TMEM178A: variants seen among roughly 807,000 people sequenced by gnomAD.
TMEM178A encodes transmembrane protein 178A.
Under a neutral mutation model 29.1 loss-of-function variants are expected in TMEM178A, and 12 were observed. The observed-to-expected ratio is 0.41, with a 90% CI of 0.26 to 0.67. TMEM178A has a LOEUF of 0.67. TMEM178A is among the 30% of genes least tolerant of loss of function. TMEM178A has a pLI of 0.29. For missense variants in TMEM178A, 366 were observed against 419.1 expected (o/e 0.87, Z 1.11); for synonymous variants, 210 against 187.2 (o/e 1.12, Z -0.99).
At chr2:39,704,774 G>A (rs1451321143) in intron 2 of TMEM178A, among the ~76,000 whole-genome samples, 1 of 152,170 alleles carries the variant, frequency 6.6e-6, no homozygotes, top group African/African-American at 2.4e-5. Flanking sequence ...GTTGATTTAA[G>A]CTGCCTGATG....
chr2:39,704,165 C>G lies in TMEM178A; in HGVS notation c.485C>G (p.Thr162Ser). ...AACATTCCTTTTAATTTAACCAAGACCATACAGCAAGATGAGTGGCACCTG... is the reference window on the plus strand; with the variant it reads ...AACATTCCTTTTAATTTAACCAAGAGCATACAGCAAGATGAGTGGCACCTG... ...LRNIPFNLTK[T>S]IQQDEWHLLH... The change falls in exon 2 of 4, where the codon ACC becomes AGC. Residue 162 changes from threonine to serine, a missense_variant. Thr to Ser is a moderately conservative substitution (Grantham distance 58). Around this residue, in one of 2 missense-constraint regions of TMEM178A, gnomAD observed 247 missense variants for 246.8 expected, o/e 1.00. Transcript: ENST00000281961. 1 of 1,614,080 alleles carries G rather than the reference C, an allele frequency of 6.2e-7. No homozygotes were observed. The highest frequency in any genetic ancestry group is 8.5e-7 in the Non-Finnish European group (1 of 1,179,998).
intron 1 of TMEM178A, among the ~76,000 whole-genome samples, chr2:39,683,780 G>A (rs145113595): frequency 6.6e-4 from 100 of 152,264 alleles, no homozygotes; most frequent in African/African-American, 2.2e-3. Flanking sequence ...GGCACAGTGT[G>A]GAAGCAACTT....
At chr2:39,680,742 GA>G (rs879460236) in intron 1 of TMEM178A, among the ~76,000 whole-genome samples, 2 of 151,288 alleles carry the variant, frequency 1.3e-5, no homozygotes, top group East Asian at 1.9e-4. Flanking sequence ...TTTGATGAAA[GA>G]AAAAAACATG....
At chr2:39,710,971 G>A (rs1361291068) in intron 3 of TMEM178A, among the ~76,000 whole-genome samples, 1 of 152,218 alleles carries the variant, frequency 6.6e-6, no homozygotes, top group Non-Finnish European at 1.5e-5. Flanking sequence ...TTACACAGCA[G>A]CCCTGCTGAC....
intron 1 of TMEM178A, among the ~76,000 whole-genome samples, chr2:39,688,035 A>C (rs1187939786): frequency 6.6e-6 from 1 of 152,246 alleles, no homozygotes; most frequent in South Asian, 2.1e-4. Context: ...GGGAAATGTC[A>C]GTAAAGCTCT....
chr2:39,697,894 A>G (rs1437932784), intron 1 of TMEM178A: 2 of 152,242 alleles, frequency 1.3e-5, no homozygotes, highest in Non-Finnish European at 2.9e-5. Context: ...TCCCTAGCAC[A>G]GAAGCTGTTC....
At position 39,671,949 on chromosome 2, in the gene TMEM178A, A is replaced by C. The variant is rs1423863619; in HGVS notation, c.400+5575A>C. Among the ~76,000 whole-genome samples, 3 of 152,204 alleles carry C rather than the reference A, an allele frequency of 2.0e-5. No homozygotes were observed. In the East Asian group the frequency reaches 5.8e-4, roughly 29 times the overall value. ...TTGCACAGGGGAGAGAAGAAGATGCATTTTATTTCTGTACCAATTCTGACA... is the reference window on the plus strand; with the variant it reads ...TTGCACAGGGGAGAGAAGAAGATGCCTTTTATTTCTGTACCAATTCTGACA... On this transcript the variant is annotated intron_variant, in intron 1 of 3. Coordinates refer to ENST00000281961, the MANE Select transcript of TMEM178A (RefSeq NM_152390.3).
chr2:39,726,542 C>G, the TMEM178A span, among the ~76,000 whole-genome samples: 1 of 152,178 alleles, frequency 6.6e-6, no homozygotes, highest in African/African-American at 2.4e-5. Context: ...TGGAGGATTT[C>G]AAACATAAGA....
chr2:39,706,776 A>AT, intron 2 of TMEM178A, among the ~76,000 whole-genome samples: 1 of 152,300 alleles, frequency 6.6e-6, no homozygotes, highest in East Asian at 1.9e-4. Context: ...ACTCAGGTCT[A>AT]TCCTGGGCTT....
chr2:39,728,367 TG>T, the TMEM178A span, among the ~76,000 whole-genome samples: 2 of 152,252 alleles, frequency 1.3e-5, no homozygotes, highest in Non-Finnish European at 2.9e-5. Flanking sequence ...GCTTCTTGAA[TG>T]GTTTCCGAGT....
chr2:39,706,991 A>G, intron 2 of TMEM178A, 58 bp from the exon 3 acceptor site: 3 of 1,551,680 alleles, frequency 1.9e-6, no homozygotes, highest in Non-Finnish European at 2.6e-6. Flanking sequence ...TAATTCTCTA[A>G]TTCTTAATGA....
chr2:39,735,668 A>G, the TMEM178A span, among the ~76,000 whole-genome samples: 1 of 152,236 alleles, frequency 6.6e-6, no homozygotes, highest in African/African-American at 2.4e-5. Flanking sequence ...TAACAACACA[A>G]CCACATTTAC....
intron 1 of TMEM178A, among the ~76,000 whole-genome samples, chr2:39,679,589 A>G (rs1461577469): frequency 1.3e-5 from 2 of 152,066 alleles, no homozygotes; most frequent in Non-Finnish European, 2.9e-5. Flanking sequence ...CTCTTTACTT[A>G]TCTCCATAGG....
chr2:39,722,387 C>T (rs1026308359), downstream of TMEM178A, among the ~76,000 whole-genome samples: 46 of 152,182 alleles, frequency 3.0e-4, no homozygotes, highest in Middle Eastern at 3.4e-3. Flanking sequence ...TACAGGATAG[C>T]GTTTATTTAA....
intron 1 of TMEM178A, among the ~76,000 whole-genome samples, chr2:39,684,199 T>C (rs569820924): frequency 2.0e-5 from 3 of 152,208 alleles, no homozygotes; most frequent in Non-Finnish European, 2.9e-5. Context: ...TTAGGGTTGC[T>C]AAATATCAGG....
intron 3 of TMEM178A, 119 bp downstream of exon 3, chr2:39,707,305 C>T: frequency 7.9e-7 from 1 of 1,259,494 alleles, no homozygotes; most frequent in Non-Finnish European, 1.1e-6. Flanking sequence ...AGAAAAGCAA[C>T]CAGAAGGTCA....
chr2:39,727,200 T>G, the TMEM178A span, among the ~76,000 whole-genome samples: 1 of 152,156 alleles, frequency 6.6e-6, no homozygotes, highest in Non-Finnish European at 1.5e-5. Context: ...CCTGCTCACA[T>G]CCCTTTCAGA....
the TMEM178A span, among the ~76,000 whole-genome samples, chr2:39,726,362 G>A: frequency 6.6e-6 from 1 of 152,182 alleles, no homozygotes; most frequent in Non-Finnish European, 1.5e-5. Flanking sequence ...CAGGTGCAGA[G>A]GCCTGGGATG....
chr2:39,693,966 CTTT>C (rs758406067), intron 1 of TMEM178A, among the ~76,000 whole-genome samples: 6 of 138,940 alleles, frequency 4.3e-5, no homozygotes, highest in Non-Finnish European at 6.3e-5. Flanking sequence ...CCTCAGCCAC[CTTT>C]TTTTTTTTTT....
Sources: allele counts gnomAD v4.1 joint callset (sites outside exome capture counted in the v4.1 genomes callset), GRCh38; gene constraint gnomAD v4.1.1; regional missense constraint gnomAD v4.1.1; transcripts MANE v1.5; gene names NCBI Gene and HGNC (gene_info 2026-07-23, HGNC 2026-07-21).